The following MACROD2 variants were observed in gnomAD, a reference collection of about 807,000 sequenced individuals.
The protein encoded by MACROD2 is mono-ADP ribosylhydrolase 2, also known as ADP-ribose glycohydrolase MACROD2.
Under a neutral mutation model 70.4 loss-of-function variants are expected in MACROD2, and 36 were observed. That is an observed-to-expected ratio of 0.51 (90% CI 0.39 to 0.68). MACROD2 has a LOEUF of 0.68. Ranked by LOEUF, MACROD2 falls within the 30% of genes least tolerant of loss-of-function variation. The pLI, the probability that MACROD2 is intolerant of heterozygous loss-of-function variation, is 0.00. For missense variants in MACROD2, 496 were observed against 538.4 expected (o/e 0.92, Z 0.78); for synonymous variants, 172 against 178.8 (o/e 0.96, Z 0.30).
chr20:14,280,374 AT>A (rs2082297369), intron 3 of MACROD2, among the ~76,000 whole-genome samples: 1 of 152,162 alleles, frequency 6.6e-6, no homozygotes, highest in African/African-American at 2.4e-5. Flanking sequence ...TTAATAGGAA[AT>A]TTTGAAGCTT....
chr20:15,677,678 A>T (rs2050081220), intron 8 of MACROD2, among the ~76,000 whole-genome samples: 1 of 21,000 alleles, frequency 4.8e-5, no homozygotes, highest in African/African-American at 1.6e-4. Context: ...CAACCAACCA[A>T]CCAACCAACC....
intron 4 of MACROD2, among the ~76,000 whole-genome samples, chr20:14,514,787 T>C (rs1396523222): frequency 2.0e-5 from 3 of 152,094 alleles, no homozygotes; most frequent in African/African-American, 7.2e-5. Flanking sequence ...AATGGATGCC[T>C]TCTACAACTT....
At chr20:15,507,808 C>G (rs528369844) in intron 8 of MACROD2, among the ~76,000 whole-genome samples, 76 of 152,314 alleles carry the variant, frequency 5.0e-4, no homozygotes, top group Non-Finnish European at 8.5e-4. Flanking sequence ...GAGCCAGAAA[C>G]TAAAGCCCCA....
rs544078301 is a variant in MACROD2, at chr20:15,048,294, C to A, written c.419-181646C>A. Among the ~76,000 whole-genome samples the A allele has an allele frequency of 3.9e-5, 6 of 152,082 alleles. No individual in the cohort carries two copies. The South Asian group carries it at 1.2e-3, about 32-fold the overall frequency. ...AGACTCCATCTCAAAAACAAACACA[C>A]AAACAAACAAAGCTTCGTGGTTTGA... is the stretch of plus-strand genomic sequence containing the variant. On this transcript the variant is annotated intron_variant, in intron 5 of 17. Coordinates refer to ENST00000684519, the MANE Select transcript of MACROD2 (RefSeq NM_001351661.2).
At chr20:14,041,483 A>G (rs541604691) in intron 2 of MACROD2, among the ~76,000 whole-genome samples, 12 of 152,348 alleles carry the variant, frequency 7.9e-5, no homozygotes, top group East Asian at 3.9e-4. Flanking sequence ...TATGATAGCA[A>G]TGAGTCCAGA....
At chr20:14,700,425 A>G (rs551479514) in intron 5 of MACROD2, among the ~76,000 whole-genome samples, 4 of 152,248 alleles carry the variant, frequency 2.6e-5, no homozygotes, top group South Asian at 4.1e-4. Context: ...GGTAAAAAAA[A>G]GTTCCACTTA....
chr20:14,958,372 G>A (rs2074555369), intron 5 of MACROD2, among the ~76,000 whole-genome samples: 1 of 152,174 alleles, frequency 6.6e-6, no homozygotes, highest in Non-Finnish European at 1.5e-5. Flanking sequence ...ATACAAATAA[G>A]AATGTTTCCT....
At chr20:14,964,300 C>T (rs1174434273) in intron 5 of MACROD2, among the ~76,000 whole-genome samples, 1 of 151,980 alleles carries the variant, frequency 6.6e-6, no homozygotes, top group South Asian at 2.1e-4. Flanking sequence ...AGGCCGGGCG[C>T]GGTGGCTCAC....
intron 3 of MACROD2, among the ~76,000 whole-genome samples, chr20:14,266,343 A>G (rs962169239): frequency 6.6e-6 from 1 of 152,136 alleles, no homozygotes; most frequent in Non-Finnish European, 1.5e-5. Flanking sequence ...TGATCATCAG[A>G]GGGCTGAAAA....
intron 5 of MACROD2, among the ~76,000 whole-genome samples, chr20:15,088,764 G>T (rs927886624): frequency 2.0e-5 from 3 of 151,802 alleles, no homozygotes; most frequent in African/African-American, 4.8e-5. Flanking sequence ...CAGGACTCAG[G>T]TTAGGTGTAA....
At chr20:15,188,364 C>T (rs1175591843) in intron 5 of MACROD2, among the ~76,000 whole-genome samples, 3 of 152,098 alleles carry the variant, frequency 2.0e-5, no homozygotes, top group Non-Finnish European at 4.4e-5. Context: ...TCCATAATGG[C>T]GTGTGTTCAA....
chr20:14,509,511 G>A (rs2085006146), intron 4 of MACROD2, among the ~76,000 whole-genome samples: 1 of 151,980 alleles, frequency 6.6e-6, no homozygotes, highest in African/African-American at 2.4e-5. Flanking sequence ...TAATTGTGCT[G>A]TGTATGTTAT....
At chr20:16,027,826 C>T (rs1422460666) in intron 15 of MACROD2, among the ~76,000 whole-genome samples, 1 of 152,096 alleles carries the variant, frequency 6.6e-6, no homozygotes, top group Non-Finnish European at 1.5e-5. Flanking sequence ...GTTAGAGACA[C>T]CCAATTTGCA....
chr20:15,245,814 G>T (rs2077100277), intron 6 of MACROD2, among the ~76,000 whole-genome samples: 1 of 152,178 alleles, frequency 6.6e-6, no homozygotes, highest in South Asian at 2.1e-4. Context: ...TGTATTAAAT[G>T]CATTTTCAAC....
At chr20:15,089,671 T>C (rs1042602056) in intron 5 of MACROD2, among the ~76,000 whole-genome samples, 5 of 152,116 alleles carry the variant, frequency 3.3e-5, no homozygotes, top group Non-Finnish European at 5.9e-5. Flanking sequence ...GCTCTGTACC[T>C]CCCTTTGCCC....
chr20:15,901,480 C>T (rs761395496), intron 10 of MACROD2, among the ~76,000 whole-genome samples: 27 of 152,188 alleles, frequency 1.8e-4, no homozygotes, highest in Admixed American at 1.2e-3. Context: ...ACCATCACGA[C>T]GGTAAACAAC....
chr20:15,285,389 G>A (rs960421688), intron 6 of MACROD2, among the ~76,000 whole-genome samples: 39 of 152,256 alleles, frequency 2.6e-4, no homozygotes, highest in Admixed American at 2.0e-3. Context: ...CATTTCCTTA[G>A]AGCCAATGCA....
At chr20:15,401,749 A>T (rs1257146959) in intron 6 of MACROD2, among the ~76,000 whole-genome samples, 1 of 152,186 alleles carries the variant, frequency 6.6e-6, no homozygotes, top group Non-Finnish European at 1.5e-5. Flanking sequence ...TTTGAGGCCG[A>T]CTATAGAAAA....
At chr20:14,990,442 C>T (rs999363200) in intron 5 of MACROD2, among the ~76,000 whole-genome samples, 1 of 152,002 alleles carries the variant, frequency 6.6e-6, no homozygotes, top group South Asian at 2.1e-4. Flanking sequence ...CTTAAATAAC[C>T]CCACATAAGG....
Sources: gnomAD v4.1 joint callset for allele counts (sites outside exome capture counted in the v4.1 genomes callset) on GRCh38, gnomAD v4.1.1 for gene constraint, MANE v1.5 for transcripts, NCBI Gene and HGNC (gene_info 2026-07-23, HGNC 2026-07-21) for gene names.